The following BACH2 variants were observed in gnomAD, a reference collection of about 807,000 sequenced individuals.
BACH2 encodes the protein BACH transcriptional regulator 2.
BACH2 carries 5 observed loss-of-function variants against 61.8 expected under a neutral mutation model. The observed-to-expected ratio is 0.08, with a 90% CI of 0.04 to 0.17. The LOEUF is 0.17. Among genes scored for constraint, BACH2 ranks in the 10% least tolerant of loss-of-function variants. BACH2 has a pLI of 1.00. For missense variants in BACH2, 824 were observed against 1,091.1 expected, an observed-to-expected ratio of 0.76 and a Z score of 3.45; for synonymous variants, 446 against 440.1, an observed-to-expected ratio of 1.01 and a Z score of -0.17.
At chr6:90,222,077 A>C (rs1471409418) in intron 3 of BACH2, among the ~76,000 whole-genome samples, 2 of 152,384 alleles carry the variant, frequency 1.3e-5, no homozygotes, top group East Asian at 3.9e-4. Flanking sequence ...CAATATAAAA[A>C]GTATTAATGT....
At chr6:90,031,890 A>G (rs1399556919) in intron 5 of BACH2, among the ~76,000 whole-genome samples, 5 of 152,208 alleles carry the variant, frequency 3.3e-5, no homozygotes, top group African/African-American at 1.2e-4. Flanking sequence ...AAGAGCCCGC[A>G]TTGCCAAGTC....
At chr6:89,968,753 A>G (rs566667115) in intron 6 of BACH2, among the ~76,000 whole-genome samples, 155 of 152,314 alleles carry the variant, frequency 1.0e-3, no homozygotes, top group African/African-American at 3.6e-3. Flanking sequence ...GTTCACGCCT[A>G]TAATCCCAGC....
intron 6 of BACH2, among the ~76,000 whole-genome samples, chr6:89,983,421 C>T (rs1035012013): frequency 2.0e-5 from 3 of 152,166 alleles, no homozygotes; most frequent in African/African-American, 7.2e-5. Flanking sequence ...GTAATTACAG[C>T]ACTCTGGGAG....
intron 6 of BACH2, among the ~76,000 whole-genome samples, chr6:90,006,346 C>G (rs1369191094): frequency 6.6e-6 from 1 of 152,196 alleles, no homozygotes; most frequent in Non-Finnish European, 1.5e-5. Context: ...AAGTATGTCC[C>G]CAACAGCGCA....
chr6:90,264,932 A>T (rs1449536987), intron 2 of BACH2, among the ~76,000 whole-genome samples: 2 of 152,236 alleles, frequency 1.3e-5, no homozygotes, highest in Admixed American at 1.3e-4. Context: ...TAAAAACATA[A>T]GTGCTACAAA....
At chr6:90,230,733 C>T (rs1212482958) in intron 3 of BACH2, among the ~76,000 whole-genome samples, 1 of 152,132 alleles carries the variant, frequency 6.6e-6, no homozygotes, top group Non-Finnish European at 1.5e-5. Context: ...CCTGGCTCTG[C>T]CCCCACATGA....
At chr6:90,249,491 C>G (rs1020954101) in intron 3 of BACH2, among the ~76,000 whole-genome samples, 3 of 152,100 alleles carry the variant, frequency 2.0e-5, no homozygotes, top group Non-Finnish European at 4.4e-5. Flanking sequence ...TAAAAACAGG[C>G]CAGGCGCAGT....
In BACH2 at chr6:89,950,892, A is replaced by C; in HGVS notation, c.1214T>G (p.Phe405Cys). Reference sequence around the variant, plus strand: ...CCCCCTGAGGGGCGACCCCATGGTGAAGTTGGACACCTCCTTCTGGCCCAC... The same window carrying C: ...CCCCCTGAGGGGCGACCCCATGGTGCAGTTGGACACCTCCTTCTGGCCCAC... ...PHVGQKEVSN[F>C]TMGSPLRGPG... The change falls in exon 7 of 9, where the codon TTC (phenylalanine) becomes TGC (cysteine). Residue 405 changes from phenylalanine (F) to cysteine (C), a missense_variant. By Grantham distance (205) the Phe-to-Cys change is radical. This residue lies in a region of BACH2 where 226 missense variants were observed against 228.5 expected (regional missense o/e 0.99). Transcript: ENST00000257749. The surrounding 1 kb of genome is among the most constrained non-coding windows in gnomAD (Gnocchi z 5.3). 1 of 1,601,564 alleles carries C rather than the reference A, an allele frequency of 6.2e-7. No homozygotes were observed. Among genetic ancestry groups the C allele is most frequent in the Non-Finnish European group, 8.5e-7 (1 of 1,173,318 alleles).
At chr6:89,936,527 G>A (rs556615003) in intron 8 of BACH2, among the ~76,000 whole-genome samples, 11 of 152,346 alleles carry the variant, frequency 7.2e-5, no homozygotes, top group Non-Finnish European at 1.3e-4. Context: ...CACAAGTGCA[G>A]AGTTTGATTT....
At position 90,068,648 on chromosome 6, in the gene BACH2, T is replaced by G. The variant is rs564318809; in HGVS notation, c.-13+20313A>C. On this transcript the variant is annotated intron_variant, in intron 5 of 8. Coordinates refer to ENST00000257749, the MANE Select transcript of BACH2 (RefSeq NM_021813.4). ...AAACAGGTTGTTGTTGTTTTTTTTTTTTGTTTTCTTGGAAGGGAAGAAATT... is the reference window on the plus strand; with the variant it reads ...AAACAGGTTGTTGTTGTTTTTTTTTGTTGTTTTCTTGGAAGGGAAGAAATT... Among the ~76,000 whole-genome samples, 140 of 151,986 alleles carry G rather than the reference T, an allele frequency of 9.2e-4. 1 individual carries two copies. The Middle Eastern group carries it at 0.037, about 41-fold the overall frequency.
chr6:90,006,701 C>T (rs779927842), intron 6 of BACH2, among the ~76,000 whole-genome samples: 5 of 152,006 alleles, frequency 3.3e-5, no homozygotes, highest in Non-Finnish European at 4.4e-5. Context: ...CTTGCAGCCT[C>T]GATCTCCTGG....
intron 5 of BACH2, among the ~76,000 whole-genome samples, chr6:90,042,094 T>C (rs1018949171): frequency 1.3e-5 from 2 of 152,204 alleles, no homozygotes; most frequent in African/African-American, 4.8e-5. Context: ...AAACATTGCA[T>C]ATAAATAAAC....
chr6:89,939,155 C>A (rs186867026), intron 7 of BACH2, among the ~76,000 whole-genome samples: 1 of 152,262 alleles, frequency 6.6e-6, no homozygotes, highest in Non-Finnish European at 1.5e-5. Context: ...GAGGCTAGGT[C>A]GAAAATTAGC....
Position 89,932,480 on chromosome 6 carries a change from C to T in BACH2, c.2454G>A (p.Val818=). The T allele has an allele frequency of 6.2e-7, 1 of 1,614,036 alleles. No individual in the cohort carries two copies. The highest frequency in any genetic ancestry group is 8.5e-7 in the Non-Finnish European group (1 of 1,180,000). Residue 818 remains valine (V), a synonymous_variant, in exon 9 of 9, where the codon GTG becomes GTA. Coordinates refer to ENST00000257749, the MANE Select transcript of BACH2 (RefSeq NM_021813.4). The stretch of plus-strand genomic sequence containing the variant: ...TCATTTCCTGGCAGAAGTCCACGGT[C>T]ACTGTTTGGCTCCTGGGTTCAAGAG... The part of the protein sequence containing the change: ...GPPLEPRSQT[V]TVDFCQEMTD...
rs78675429 is a variant in BACH2 at position 90,196,712 on chromosome 6, G to A, written c.-162+9857C>T. ...GTGCTCCTTGATCACTATGACACGC[G>A]ATGATACTTTATCTCTCTGGTTAGG... On this transcript the variant is annotated intron_variant, in intron 4 of 8. Transcript: ENST00000257749. Among the ~76,000 whole-genome samples the A allele has an allele frequency of 3.8e-3, 582 of 151,912 alleles. 6 individuals carry two copies. Among genetic ancestry groups the A allele is most frequent in the African/African-American group, 0.014 (569 of 41,416 alleles).
At chr6:90,179,021 T>A (rs1768067679) in intron 4 of BACH2, among the ~76,000 whole-genome samples, 4 of 152,198 alleles carry the variant, frequency 2.6e-5, no homozygotes, top group African/African-American at 9.6e-5. Flanking sequence ...GAGGAAGGTA[T>A]GTTCTCCCCT....
chr6:90,051,589 G>A (rs1780049642), intron 5 of BACH2, among the ~76,000 whole-genome samples: 1 of 152,106 alleles, frequency 6.6e-6, no homozygotes, highest in Middle Eastern at 3.2e-3. Context: ...CCTGTATTAT[G>A]AACTCCATTC....
intron 5 of BACH2, among the ~76,000 whole-genome samples, chr6:90,069,122 T>C (rs974400862): frequency 2.0e-5 from 3 of 152,152 alleles, no homozygotes; most frequent in Non-Finnish European, 4.4e-5. Context: ...TTCCTGATGC[T>C]TGAGTAGCAG....
intron 1 of BACH2, among the ~76,000 whole-genome samples, chr6:90,291,561 A>G (rs80241208): frequency 3.4e-5 from 5 of 148,668 alleles, no homozygotes; most frequent in South Asian, 2.2e-4. Context: ...AAAAAAAAAG[A>G]AAAAAAAAAG....
Sources: gnomAD v4.1 joint callset for allele counts (sites outside exome capture counted in the v4.1 genomes callset) on GRCh38, gnomAD v4.1.1 for gene constraint, gnomAD v4.1.1 regional missense constraint, Gnocchi (gnomAD v3.1) non-coding constraint, MANE v1.5 for transcripts, NCBI Gene and HGNC (gene_info 2026-07-23, HGNC 2026-07-21) for gene names.